The following KLHL4 variants were observed in gnomAD, a reference collection of about 807,000 sequenced individuals.
The protein encoded by KLHL4 is kelch like family member 4.
In KLHL4, 17 loss-of-function variants were observed where a neutral mutation model predicts 45.8. The observed-to-expected ratio is 0.37, with a 90% CI of 0.25 to 0.56. KLHL4 has a LOEUF of 0.56. KLHL4 is among the 20% of genes least tolerant of loss of function. The probability of loss-of-function intolerance (pLI) is 0.79; values close to 1 mark genes in which losing one functional copy is unlikely to be tolerated. For missense variants in KLHL4, 544 were observed against 544.9 expected (o/e 1.00, Z 0.02); for synonymous variants, 224 against 189.9 (o/e 1.18, Z -1.47).
At chrX:87,631,485 A>G (rs1293548400) in intron 6 of KLHL4, among the ~76,000 whole-genome samples, 1 of 111,955 alleles carries the variant, frequency 8.9e-6, no homozygotes, top group Non-Finnish European at 1.9e-5. Flanking sequence ...ATGGAACATT[A>G]TGTGAATCAA....
intron 1 of KLHL4, among the ~76,000 whole-genome samples, chrX:87,598,434 A>T (rs1408500205): frequency 9.0e-6 from 1 of 111,312 alleles, no homozygotes; most frequent in Non-Finnish European, 1.9e-5. Flanking sequence ...TAAATATAGG[A>T]TATACTGATA....
intron 1 of KLHL4, among the ~76,000 whole-genome samples, chrX:87,550,206 A>T (rs1416538448): frequency 9.0e-6 from 1 of 111,402 alleles, no homozygotes; most frequent in African/African-American, 3.2e-5. Context: ...TTTAACCAGG[A>T]AGAAATTCAA....
chrX:87,535,871 A>G (rs1373801240), intron 1 of KLHL4, among the ~76,000 whole-genome samples: 2 of 109,954 alleles, frequency 1.8e-5, no homozygotes, highest in Non-Finnish European at 3.8e-5. Context: ...TCTGGTTGAT[A>G]AAAGTGTATA....
chrX:87,547,737 C>A (rs757355011), intron 1 of KLHL4, among the ~76,000 whole-genome samples: 1 of 110,679 alleles, frequency 9.0e-6, no homozygotes, highest in South Asian at 3.9e-4. Context: ...AGAAGAATGG[C>A]GTGAACCCGG....
chrX:87,535,701 T>C (rs765438004), intron 1 of KLHL4, among the ~76,000 whole-genome samples: 1 of 110,762 alleles, frequency 9.0e-6, no homozygotes, highest in African/African-American at 3.3e-5. Context: ...TTTGGATCTG[T>C]GTTTCTGCCC....
At chrX:87,613,835 A>T (rs2147813398) in intron 1 of KLHL4, 42 bp from the exon 2 acceptor site, 1 of 1,008,149 alleles carries the variant, frequency 9.9e-7, no homozygotes, top group Admixed American at 3.6e-5. Flanking sequence ...TTTTTACAAA[A>T]TTATATGATG....
At chrX:87,639,496 A>G (rs2147828648) in intron 9 of KLHL4, among the ~76,000 whole-genome samples, 1 of 111,582 alleles carries the variant, frequency 9.0e-6, no homozygotes, top group Non-Finnish European at 1.9e-5. Context: ...AGAAAATTGA[A>G]ATTTTATCAA....
At chrX:87,641,777 A>G (rs1923468528) in intron 9 of KLHL4, among the ~76,000 whole-genome samples, 1 of 110,371 alleles carries the variant, frequency 9.1e-6, no homozygotes, top group African/African-American at 3.3e-5. Flanking sequence ...GCTTTCCCCC[A>G]CTTCCCTGAC....
rs181279490 is a variant in KLHL4, at chrX:87,625,601, A to T, written c.1138-9A>T. On this transcript the variant is annotated splice_polypyrimidine_tract_variant and intron_variant, in intron 5 of 10. Coordinates refer to ENST00000373119, the MANE Select transcript of KLHL4 (RefSeq NM_019117.5). ...CTCCATTCATATACCATGCATCACT[A>T]CTTTTCAGTTACTGGCAGATCTTGA... 81 of 1,186,465 alleles carry T rather than the reference A, an allele frequency of 6.8e-5. No individual in the cohort carries two copies. In the African/African-American group the frequency reaches 1.3e-3, roughly 20 times the overall value.
chrX:87,634,227 C>T (rs1923188999), intron 8 of KLHL4, among the ~76,000 whole-genome samples: 1 of 111,615 alleles, frequency 9.0e-6, no homozygotes, highest in Admixed American at 9.5e-5. Flanking sequence ...ATTTTACCCT[C>T]AAGAAGTTAC....
rs192870072 is a variant in KLHL4, at chrX:87,591,645, G to A, written c.423-22232G>A. ...GCCTTTTCTGTGTAGAAGCTTTTTAGTCTGATATAATCCTATTTGTCTATT... is the reference window on the plus strand; with the variant it reads ...GCCTTTTCTGTGTAGAAGCTTTTTAATCTGATATAATCCTATTTGTCTATT... On this transcript the variant is annotated intron_variant, in intron 1 of 10. Coordinates refer to ENST00000373119, the MANE Select transcript of KLHL4 (RefSeq NM_019117.5). Among the ~76,000 whole-genome samples, 407 of 111,590 alleles carry A rather than the reference G, an allele frequency of 3.6e-3. 6 individuals carry two copies. The South Asian group carries it at 0.053, about 14-fold the overall frequency.
At chrX:87,645,276 A>G (rs903715658) in intron 9 of KLHL4, among the ~76,000 whole-genome samples, 2 of 112,076 alleles carry the variant, frequency 1.8e-5, no homozygotes, top group Non-Finnish European at 3.8e-5. Context: ...AAGATATACA[A>G]ATGGCCAATA....
At chrX:87,601,389 GC>G (rs750602960) in intron 1 of KLHL4, among the ~76,000 whole-genome samples, 2 of 111,492 alleles carry the variant, frequency 1.8e-5, no homozygotes, top group Admixed American at 1.9e-4. Context: ...ATGGTGGCCT[GC>G]CAGCATGAGG....
chrX:87,536,440 C>T (rs922426563), intron 1 of KLHL4, among the ~76,000 whole-genome samples: 2 of 110,742 alleles, frequency 1.8e-5, no homozygotes, highest in Non-Finnish European at 3.8e-5. Context: ...TTTAATTAGT[C>T]TTCCCTTGAT....
At chrX:87,589,223 C>T (rs572157523) in intron 1 of KLHL4, among the ~76,000 whole-genome samples, 9 of 111,960 alleles carry the variant, frequency 8.0e-5, no homozygotes, top group Middle Eastern at 9.4e-3. Context: ...TACATTATTA[C>T]AACCACTATG....
chrX:87,655,392 G>A (rs1244240731), intron 9 of KLHL4, among the ~76,000 whole-genome samples: 1 of 111,723 alleles, frequency 9.0e-6, no homozygotes, highest in East Asian at 2.8e-4. Flanking sequence ...ATATATTTAG[G>A]ATTGTTACAT....
At chrX:87,654,900 T>A (rs1168064091) in intron 9 of KLHL4, among the ~76,000 whole-genome samples, 1 of 111,988 alleles carries the variant, frequency 8.9e-6, no homozygotes, top group African/African-American at 3.2e-5. Flanking sequence ...TGATTAGTAA[T>A]GTTGAGCATT....
In KLHL4 at chrX:87,625,787, G is replaced by T. The variant is rs757568603; in HGVS notation, c.1315G>T (p.Ala439Ser). Residue 439 changes from alanine (A) to serine (S), a missense_variant, in exon 6 of 11, where the codon GCT becomes TCT. Ala to Ser is a moderately conservative substitution (Grantham distance 99). Coordinates refer to ENST00000373119, the MANE Select transcript of KLHL4 (RefSeq NM_019117.5). The stretch of plus-strand genomic sequence containing the variant: ...ACTTTATGCTGTAGGAGGCATGGAT[G>T]CTATGAAAGGTAAAAATAACTTAGA... Reference protein sequence around the residue: ...GALYAVGGMDAMKGTTTIEKY... With the variant: ...GALYAVGGMDSMKGTTTIEKY... The T allele has an allele frequency of 8.4e-7, 1 of 1,189,467 alleles. No individual in the cohort carries two copies. Among genetic ancestry groups the T allele is most frequent in the Non-Finnish European group, 1.1e-6 (1 of 883,564 alleles).
In KLHL4 at chrX:87,621,838, T is replaced by C. The variant is rs180974414; in HGVS notation, c.925-373T>C. Among the ~76,000 whole-genome samples the C allele has an allele frequency of 4.7e-4, 53 of 111,983 alleles. No homozygotes were observed. In the East Asian group the frequency reaches 0.014, roughly 30 times the overall value. On this transcript the variant is annotated intron_variant, in intron 4 of 10. Coordinates refer to ENST00000373119, the MANE Select transcript of KLHL4 (RefSeq NM_019117.5). ...CCACCTTAAAAAGTTTCAGCCTTTT[T>C]CTTATGGCTTTTGGCTGAAGACCAA...
Sources: allele counts gnomAD v4.1 joint callset (sites outside exome capture counted in the v4.1 genomes callset), GRCh38; gene constraint gnomAD v4.1.1; transcripts MANE v1.5; gene names NCBI Gene and HGNC (gene_info 2026-07-23, HGNC 2026-07-21).